PCDHGA4: variants seen among roughly 807,000 people sequenced by gnomAD.
PCDHGA4 encodes protocadherin gamma-A4.
In PCDHGA4, 38 loss-of-function variants were observed where a neutral mutation model predicts 54.6. That is an observed-to-expected ratio of 0.70 (90% CI 0.54 to 0.91). The LOEUF is 0.91. PCDHGA4 is among the 40% of genes least tolerant of loss of function. PCDHGA4 has a pLI of 0.00. For synonymous variants in PCDHGA4, 511 were observed against 512.9 expected (o/e 1.00, Z 0.05); for missense variants, 1,298 against 1,220.9 (o/e 1.06, Z -0.94).
At chr5:141,376,411 C>T in intron 1 of PCDHGA4, 1 of 1,614,182 alleles carries the variant, frequency 6.2e-7, no homozygotes, top group Non-Finnish European at 8.5e-7. Flanking sequence ...CCAACTATGC[C>T]GACACGCTTA....
At chr5:141,404,492 C>T (rs770295078) in intron 1 of PCDHGA4, 1 of 1,613,668 alleles carries the variant, frequency 6.2e-7, no homozygotes, top group African/African-American at 1.3e-5. Context: ...CACTGGTGTG[C>T]TGTATGCTCT....
chr5:141,428,177 G>A lies in PCDHGA4; in HGVS notation c.2515-66630G>A, dbSNP rs754811645. The A allele has an allele frequency of 1.4e-5, 21 of 1,510,058 alleles. 1 individual carries two copies. The South Asian group carries it at 1.7e-4, about 12-fold the overall frequency. The allele number at this position is 1,510,058 out of a possible 1,614,324, so 93.5% of individuals were successfully genotyped here. ...CCTGCTGGTTGCTGTGCGTGACGGA[G>A]GACAGCCGCCGCTCTCTGCGCCGCT... On this transcript the variant is annotated intron_variant, in intron 1 of 3. Coordinates refer to ENST00000571252, the MANE Select transcript of PCDHGA4 (RefSeq NM_018917.4).
intron 1 of PCDHGA4, chr5:141,418,830 G>A (rs371820904): frequency 1.2e-6 from 2 of 1,613,976 alleles, no homozygotes; most frequent in Non-Finnish European, 1.7e-6. Flanking sequence ...GCAAAAGACC[G>A]AGGATCTCTC....
chr5:141,371,092 C>A, intron 1 of PCDHGA4: 1 of 1,613,802 alleles, frequency 6.2e-7, no homozygotes, highest in Non-Finnish European at 8.5e-7. Context: ...GTAATTGTCG[C>A]AGATGCAAAT....
rs780029376 is a variant in PCDHGA4 at position 141,375,319 on chromosome 5, G to A, written c.2514+17698G>A. On this transcript the variant is annotated intron_variant, in intron 1 of 3. Coordinates refer to ENST00000571252, the MANE Select transcript of PCDHGA4 (RefSeq NM_018917.4). ...TAGTGACAAATGCAGCTCTAGACCG[G>A]GAAGAGGTATTCTTGTACAACATCA... The A allele has an allele frequency of 9.3e-6, 15 of 1,613,770 alleles. No homozygotes were observed. The South Asian group carries it at 1.5e-4, about 17-fold the overall frequency.
chr5:141,453,560 G>A (rs1230229107), intron 1 of PCDHGA4, among the ~76,000 whole-genome samples: 3 of 151,968 alleles, frequency 2.0e-5, no homozygotes, highest in Admixed American at 6.6e-5. Flanking sequence ...GTAGATAATC[G>A]ATTTCATTAG....
In PCDHGA4 at chr5:141,505,419, C is replaced by T; in HGVS notation, c.2600C>T (p.Thr867Ile). 3 of 1,614,258 alleles carry T rather than the reference C, an allele frequency of 1.9e-6. No homozygotes were observed. Among genetic ancestry groups the T allele is most frequent in the Non-Finnish European group, 2.5e-6 (3 of 1,180,054 alleles). Residue 867 changes from threonine to isoleucine, a missense_variant, in exon 3 of 4, where the codon ACC becomes ATC. By Grantham distance (89) the Thr-to-Ile change is moderately conservative. Transcript: ENST00000571252. The part of the protein sequence containing the change: ...SGSQNGDDTG[T>I]WPNNQFDTEM... ...TCCCAAAATGGCGATGACACCGGCA[C>T]CTGGCCCAACAACCAGTTTGACACA...
At chr5:141,380,893 A>G (rs1776824840) in intron 1 of PCDHGA4, among the ~76,000 whole-genome samples, 2 of 152,246 alleles carry the variant, frequency 1.3e-5, no homozygotes, top group East Asian at 3.8e-4. Flanking sequence ...TTTGTTTGAA[A>G]ATATCTACAA....
rs1001739432 is a variant in PCDHGA4 at position 141,357,503 on chromosome 5, T to C, written c.2396T>C (p.Leu799Pro). 2 of 1,614,126 alleles carry C rather than the reference T, an allele frequency of 1.2e-6. No homozygotes were observed. The highest frequency in any genetic ancestry group is 2.7e-5 in the African/African-American group (2 of 74,948). ...ACCGCGGACTCGCGGAAGAGTCACC[T>C]GATCTTCTCCCAACCCAGCTATGCA... ...SLTADSRKSH[L>P]IFSQPSYADT... The change falls in exon 1 of 4, where the codon CTG (leucine) becomes CCG (proline). Residue 799 changes from leucine (L) to proline (P), a missense_variant. Leu to Pro is a moderately conservative substitution (Grantham distance 98, BLOSUM62 -3). Transcript: ENST00000571252.
chr5:141,403,415 C>A, intron 1 of PCDHGA4: 1 of 1,614,046 alleles, frequency 6.2e-7, no homozygotes, highest in East Asian at 2.2e-5. Context: ...TTATCCACTT[C>A]CAGAAGCTAT....
chr5:141,366,108 C>A (rs1179892338), intron 1 of PCDHGA4: 1 of 1,614,222 alleles, frequency 6.2e-7, no homozygotes, highest in South Asian at 1.1e-5. Flanking sequence ...AAGGTGGTAG[C>A]GGTGGACAAA....
At chr5:141,388,616 A>C in intron 1 of PCDHGA4, 1 of 1,613,938 alleles carries the variant, frequency 6.2e-7, no homozygotes, top group Non-Finnish European at 8.5e-7. Flanking sequence ...TGTTCAGTCA[A>C]GACGTATACA....
chr5:141,393,555 C>A lies in PCDHGA4; in HGVS notation c.2514+35934C>A. ...CCCGGTTTTTCCTCACCCGATTTAC[C>A]GAGTGAAAGTCCTTGAGAACATGCC... On this transcript the variant is annotated intron_variant, in intron 1 of 3. Transcript: ENST00000571252. The A allele has an allele frequency of 5.0e-6, 8 of 1,613,928 alleles. 1 individual carries two copies. Among genetic ancestry groups the A allele is most frequent in the Non-Finnish European group, 6.8e-6 (8 of 1,179,886 alleles).
At chr5:141,448,730 G>A (rs1419700194) in intron 1 of PCDHGA4, among the ~76,000 whole-genome samples, 1 of 152,072 alleles carries the variant, frequency 6.6e-6, no homozygotes, top group African/African-American at 2.4e-5. Context: ...CACGAGGTCA[G>A]GAGATCGAGA....
intron 1 of PCDHGA4, chr5:141,360,684 A>G (rs1025740579): frequency 6.2e-7 from 1 of 1,614,010 alleles, no homozygotes; most frequent in Non-Finnish European, 8.5e-7. Context: ...TCGCTGAGAA[A>G]CAGACTCCAG....
In PCDHGA4 at chr5:141,364,672, GAAA is replaced by G. The variant is rs1433905391; in HGVS notation, c.2514+7053_2514+7055del. On this transcript the variant is annotated intron_variant, in intron 1 of 3. Coordinates refer to ENST00000571252, the MANE Select transcript of PCDHGA4 (RefSeq NM_018917.4). ...TTAACATCTTGGTTGAGAACAAAAT[GAAA>G]ATTTATGGAGTAGAAGTAGAAATAA... 6 of 1,613,908 alleles carry G rather than the reference GAAA, an allele frequency of 3.7e-6. No individual in the cohort carries two copies. In the African/African-American group the frequency reaches 6.7e-5, roughly 18 times the overall value.
At chr5:141,400,015 G>T (rs747874428) in intron 1 of PCDHGA4, 6 of 1,612,768 alleles carry the variant, frequency 3.7e-6, no homozygotes, top group Non-Finnish European at 4.2e-6. Flanking sequence ...TGCCTTGGGC[G>T]ACAGGGACGC....
Position 141,364,472 on chromosome 5 carries a change from A to G in PCDHGA4, c.2514+6851A>G, listed in dbSNP as rs375080558. On this transcript the variant is annotated intron_variant, in intron 1 of 3. Coordinates refer to ENST00000571252, the MANE Select transcript of PCDHGA4 (RefSeq NM_018917.4). ...GGACAAAGGCTCCTTCGTCGGCAAC[A>G]TAGCCAAGGACCTTGGGCTGGAGCC... is the stretch of plus-strand genomic sequence containing the variant. The G allele has an allele frequency of 5.6e-6, 9 of 1,614,038 alleles. No individual in the cohort carries two copies. Among genetic ancestry groups the G allele is most frequent in the South Asian group, 2.2e-5 (2 of 91,086 alleles).
chr5:141,421,749 C>T, intron 1 of PCDHGA4: 1 of 1,613,918 alleles, frequency 6.2e-7, no homozygotes, highest in Non-Finnish European at 8.5e-7. Flanking sequence ...ACCAGCTCAG[C>T]CCTAATAATT....
Sources: allele counts gnomAD v4.1 joint callset (sites outside exome capture counted in the v4.1 genomes callset), GRCh38; gene constraint gnomAD v4.1.1; transcripts MANE v1.5; gene names NCBI Gene and HGNC (gene_info 2026-07-23, HGNC 2026-07-21).